PTPRK: variants seen among roughly 807,000 people sequenced by gnomAD.
PTPRK encodes the protein protein tyrosine phosphatase receptor type K, also known as receptor-type tyrosine-protein phosphatase kappa.
Under a neutral mutation model 178.0 loss-of-function variants are expected in PTPRK, and 75 were observed. That is an observed-to-expected ratio of 0.42 (90% CI 0.35 to 0.51). The LOEUF is 0.51. Ranked by LOEUF, PTPRK falls within the 20% of genes least tolerant of loss-of-function variation. PTPRK has a pLI of 0.02. For missense variants in PTPRK, 1,441 were observed against 1,797.8 expected (o/e 0.80, Z 3.59); for synonymous variants, 637 against 620.6 (o/e 1.03, Z -0.39).
chr6:128,435,046 C>CAGGAAGGAAGGAAGGAAGGA (rs759976402), intron 1 of PTPRK, among the ~76,000 whole-genome samples: 1 of 72,492 alleles, frequency 1.4e-5, no homozygotes, highest in Admixed American at 1.5e-4. Flanking sequence ...GGCAGGAAGG[C>CAGGAAGGAAGGAAGGAAGGA]AGGAAGGAAG....
intron 1 of PTPRK, among the ~76,000 whole-genome samples, chr6:128,425,734 C>T (rs1238692790): frequency 2.0e-5 from 3 of 152,096 alleles, no homozygotes; most frequent in African/African-American, 7.2e-5. Context: ...GATCATGGCT[C>T]ATCCACTTAT....
intron 7 of PTPRK, among the ~76,000 whole-genome samples, chr6:128,144,620 T>C (rs1459428764): frequency 6.6e-6 from 1 of 152,212 alleles, no homozygotes; most frequent in African/African-American, 2.4e-5. Context: ...ACTGTTTTTT[T>C]CAATAGCACT....
Position 128,005,129 on chromosome 6 carries a change from G to A in PTPRK, c.2449C>T (p.Pro817Ser). Residue 817 changes from proline (P) to serine (S), a missense_variant, in exon 15 of 30, where the codon CCT becomes TCT. Physicochemically the swap from Pro to Ser is moderately conservative, Grantham distance 74 (BLOSUM62 -1). This residue lies in a region of PTPRK where 945 missense variants were observed against 1,080.6 expected (regional missense o/e 0.87). Coordinates refer to ENST00000368226, the MANE Select transcript of PTPRK (RefSeq NM_002844.4). ...TGGTCCATGAAGGTGATGGAAAGAG[G>A]ATCTTCTGCATGCAGAGTGCTCTGA... Reference protein sequence around the residue: ...ADQSTLHAEDPLSITFMDQHN... With the variant: ...ADQSTLHAEDSLSITFMDQHN... 1 of 1,610,878 alleles carries A rather than the reference G, an allele frequency of 6.2e-7. No homozygotes were observed. Among genetic ancestry groups the A allele is most frequent in the East Asian group, 2.2e-5 (1 of 44,754 alleles).
chr6:128,184,824 T>C, intron 6 of PTPRK, 99 bp from the exon 7 acceptor site: 2 of 1,136,436 alleles, frequency 1.8e-6, no homozygotes, highest in Non-Finnish European at 1.2e-6. Context: ...GATCATTTAT[T>C]AGAAATGCAT....
chr6:128,258,223 A>G (rs1024664149), intron 3 of PTPRK, among the ~76,000 whole-genome samples: 2 of 152,182 alleles, frequency 1.3e-5, no homozygotes, highest in African/African-American at 4.8e-5. Context: ...CTATAAGAAA[A>G]TAGTGATTAT....
chr6:127,988,797 T>C (rs552412613), intron 21 of PTPRK, among the ~76,000 whole-genome samples: 1 of 152,020 alleles, frequency 6.6e-6, no homozygotes, highest in Non-Finnish European at 1.5e-5. Context: ...ACAAGCTTTT[T>C]CTTTTTTCTC....
chr6:128,487,815 T>C (rs1853180083), intron 1 of PTPRK, among the ~76,000 whole-genome samples: 1 of 152,162 alleles, frequency 6.6e-6, no homozygotes, highest in South Asian at 2.1e-4. Context: ...TTAACCTGTC[T>C]TTTGTAATAG....
intron 2 of PTPRK, among the ~76,000 whole-genome samples, chr6:128,344,157 CA>C (rs1832074722): frequency 6.6e-6 from 1 of 152,142 alleles, no homozygotes; most frequent in Non-Finnish European, 1.5e-5. Context: ...TCTTCTCACC[CA>C]AAACGAAGCT....
intron 16 of PTPRK, among the ~76,000 whole-genome samples, chr6:127,997,724 AG>A (rs1376937793): frequency 6.6e-6 from 1 of 152,092 alleles, no homozygotes; most frequent in African/African-American, 2.4e-5. Context: ...CAGCTCTGGC[AG>A]AATAGTCTAA....
At chr6:128,069,915 G>C (rs1007486676) in intron 11 of PTPRK, among the ~76,000 whole-genome samples, 12 of 152,104 alleles carry the variant, frequency 7.9e-5, no homozygotes, top group South Asian at 2.1e-4. Flanking sequence ...CTTTGGGAAA[G>C]AGCCTTAAGT....
At chr6:128,376,398 T>G (rs1584426507) in intron 2 of PTPRK, among the ~76,000 whole-genome samples, 2 of 152,294 alleles carry the variant, frequency 1.3e-5, no homozygotes. Flanking sequence ...GAGCTACCTT[T>G]CAGCCATGGC....
intron 2 of PTPRK, among the ~76,000 whole-genome samples, chr6:128,334,754 T>A (rs1830688857): frequency 6.6e-6 from 1 of 152,042 alleles, no homozygotes; most frequent in Admixed American, 6.6e-5. Flanking sequence ...GAAGGAAAAA[T>A]ATAATCTCCC....
intron 6 of PTPRK, among the ~76,000 whole-genome samples, chr6:128,190,791 G>A (rs1803660541): frequency 6.6e-6 from 1 of 152,076 alleles, no homozygotes; most frequent in South Asian, 2.1e-4. Context: ...GAGCCACCAG[G>A]CCTGGCCTGG....
intron 24 of PTPRK, among the ~76,000 whole-genome samples, chr6:127,982,510 G>A (rs1029760594): frequency 5.9e-5 from 9 of 152,018 alleles, no homozygotes; most frequent in Admixed American, 1.3e-4. Context: ...TCCTGACCTC[G>A]TGATCCACCC....
At chr6:128,173,020 A>G (rs963210719) in intron 7 of PTPRK, among the ~76,000 whole-genome samples, 1 of 151,976 alleles carries the variant, frequency 6.6e-6, no homozygotes, top group Non-Finnish European at 1.5e-5. Context: ...TAAGAGAGCA[A>G]TAAAGGGACG....
chr6:128,446,845 A>T (rs746552031), intron 1 of PTPRK, among the ~76,000 whole-genome samples: 1 of 152,210 alleles, frequency 6.6e-6, no homozygotes, highest in Admixed American at 6.5e-5. Context: ...CTTTTCTAAC[A>T]ACTGCAATCT....
intron 7 of PTPRK, among the ~76,000 whole-genome samples, chr6:128,113,015 T>G (rs1583061115): frequency 6.6e-6 from 1 of 152,234 alleles, no homozygotes; most frequent in African/African-American, 2.4e-5. Flanking sequence ...TCCATACACT[T>G]ACATCAAATA....
chr6:128,493,424 T>C (rs1170501814), intron 1 of PTPRK, among the ~76,000 whole-genome samples: 4 of 151,904 alleles, frequency 2.6e-5, no homozygotes, highest in African/African-American at 7.2e-5. Flanking sequence ...TAGCTGGGCA[T>C]GGTGGCAGGC....
chr6:128,421,298 G>A (rs1843446463), intron 1 of PTPRK, among the ~76,000 whole-genome samples: 1 of 152,136 alleles, frequency 6.6e-6, no homozygotes, highest in African/African-American at 2.4e-5. Context: ...TTATGAGTTT[G>A]GAAAGATGGG....
Sources: allele counts gnomAD v4.1 joint callset (sites outside exome capture counted in the v4.1 genomes callset), GRCh38; gene constraint gnomAD v4.1.1; regional missense constraint gnomAD v4.1.1; transcripts MANE v1.5; gene names NCBI Gene and HGNC (gene_info 2026-07-23, HGNC 2026-07-21).